Variants in RBFOX1 observed in about 807,000 individuals in gnomAD.
RBFOX1 encodes RNA binding fox-1 homolog 1.
In RBFOX1, 8 loss-of-function variants were observed where a neutral mutation model predicts 57.7. The ratio of observed to expected loss-of-function variants is 0.14; its 90% CI spans 0.08 to 0.25. RBFOX1 has a LOEUF of 0.25. Ranked by LOEUF, RBFOX1 falls within the 10% of genes least tolerant of loss-of-function variation. The pLI, the probability that RBFOX1 is intolerant of heterozygous loss-of-function variation, is 1.00. For missense variants in RBFOX1, 611 were observed against 548.5 expected (o/e 1.11, Z -1.14); for synonymous variants, 326 against 222.4 (o/e 1.47, Z -4.15).
intron 3 of RBFOX1, among the ~76,000 whole-genome samples, chr16:7,007,858 T>G (rs1241116954): frequency 3.9e-5 from 6 of 152,162 alleles, no homozygotes; most frequent in Admixed American, 1.3e-4. Flanking sequence ...ACCTCAGCAT[T>G]AGGAAGTATC....
intron 10 of RBFOX1, among the ~76,000 whole-genome samples, chr16:7,625,056 G>A (rs991394379): frequency 6.6e-6 from 1 of 152,134 alleles, no homozygotes; most frequent in Non-Finnish European, 1.5e-5. Flanking sequence ...GAGGCTTGAG[G>A]AGGCGGTGTC....
intron 11 of RBFOX1, among the ~76,000 whole-genome samples, chr16:7,640,223 T>C (rs1417714581): frequency 6.6e-6 from 1 of 152,204 alleles, no homozygotes; most frequent in Non-Finnish European, 1.5e-5. Flanking sequence ...TTTGTCCTTT[T>C]TAACCAATTC....
At chr16:6,822,433 GCTAA>G (rs1310070111) in intron 3 of RBFOX1, among the ~76,000 whole-genome samples, 1 of 152,182 alleles carries the variant, frequency 6.6e-6, no homozygotes, top group Non-Finnish European at 1.5e-5. Flanking sequence ...AACTTTCATT[GCTAA>G]CTTGTAACTT....
intron 2 of RBFOX1, among the ~76,000 whole-genome samples, chr16:6,578,598 C>CGTGTGTCTGTGTGTGT (rs2097482834): frequency 9.0e-6 from 1 of 110,666 alleles, no homozygotes; most frequent in Non-Finnish European, 2.1e-5. Context: ...GGTGTGTGTG[C>CGTGTGTCTGTGTGTGT]GTGTGTGTGT....
At chr16:6,789,451 A>T (rs1445328549) in intron 3 of RBFOX1, among the ~76,000 whole-genome samples, 1 of 152,142 alleles carries the variant, frequency 6.6e-6, no homozygotes, top group East Asian at 1.9e-4. Flanking sequence ...GGCGAGAGAA[A>T]CACTAATGGT....
intron 13 of RBFOX1, among the ~76,000 whole-genome samples, chr16:7,668,550 G>C (rs2070224501): frequency 6.6e-6 from 1 of 152,106 alleles, no homozygotes; most frequent in Admixed American, 6.5e-5. Flanking sequence ...ACAGTGGAGA[G>C]GTGCAGGCAC....
chr16:6,983,977 G>A (rs1482897958), intron 3 of RBFOX1, among the ~76,000 whole-genome samples: 2 of 152,130 alleles, frequency 1.3e-5, no homozygotes, highest in Admixed American at 6.6e-5. Flanking sequence ...GCCTGGAGTG[G>A]TGGCTGAACC....
chr16:6,997,070 A>G (rs1427979482), intron 3 of RBFOX1, among the ~76,000 whole-genome samples: 1 of 152,178 alleles, frequency 6.6e-6, no homozygotes. Flanking sequence ...CAGATGAAAA[A>G]TAATAAAAGC....
Position 6,907,280 on chromosome 16 carries a change from G to T in RBFOX1, c.-15-144777G>T, listed in dbSNP as rs543858370. 7.2e-5 allele frequency among the ~76,000 whole-genome samples: 11 copies of T among 152,274 alleles called. No individual in the cohort carries two copies. In the South Asian group the frequency reaches 2.1e-3, roughly 29 times the overall value. On this transcript the variant is annotated intron_variant, in intron 3 of 15. Coordinates refer to ENST00000550418, the MANE Select transcript of RBFOX1 (RefSeq NM_018723.4). The stretch of plus-strand genomic sequence containing the variant: ...AGCGTTTGTAGTGCTGACAGTGAGA[G>T]TCATCTTTACCGATGTGCCTCCTTC...
intron 3 of RBFOX1, among the ~76,000 whole-genome samples, chr16:5,661,920 G>T (rs903509810): frequency 6.6e-6 from 1 of 152,052 alleles, no homozygotes; most frequent in Non-Finnish European, 1.5e-5. Flanking sequence ...CGAGTCGCTG[G>T]GACTACAGGC....
chr16:5,573,240 G>C (rs1161753739), intron 2 of RBFOX1, among the ~76,000 whole-genome samples: 4 of 152,148 alleles, frequency 2.6e-5, no homozygotes, highest in Non-Finnish European at 4.4e-5. Context: ...AAAAGGGAGT[G>C]TCCACGTTTC....
chr16:7,024,729 T>C (rs2040375358), intron 3 of RBFOX1, among the ~76,000 whole-genome samples: 1 of 152,206 alleles, frequency 6.6e-6, no homozygotes, highest in Non-Finnish European at 1.5e-5. Context: ...CCTGCTCTTG[T>C]TGCTGGACTT....
chr16:7,395,718 G>A (rs867791399), intron 4 of RBFOX1, among the ~76,000 whole-genome samples: 1 of 152,182 alleles, frequency 6.6e-6, no homozygotes, highest in Non-Finnish European at 1.5e-5. Context: ...CTATGAATAT[G>A]TCCAAGGGAC....
intron 2 of RBFOX1, among the ~76,000 whole-genome samples, chr16:6,370,402 T>A (rs1325228760): frequency 2.1e-5 from 3 of 141,516 alleles, no homozygotes; most frequent in Non-Finnish European, 4.6e-5. Context: ...GAACACACCC[T>A]GGACTGCCCA....
At chr16:7,579,222 G>T (rs542564645) in intron 5 of RBFOX1, among the ~76,000 whole-genome samples, 8 of 152,288 alleles carry the variant, frequency 5.3e-5, no homozygotes, top group Non-Finnish European at 1.2e-4. Context: ...CAATCAGCTG[G>T]TTATTTGAAC....
At chr16:6,742,694 A>C (rs1278459738) in intron 3 of RBFOX1, among the ~76,000 whole-genome samples, 1 of 152,232 alleles carries the variant, frequency 6.6e-6, no homozygotes, top group Non-Finnish European at 1.5e-5. Context: ...ACCTGTGATG[A>C]ATCTCAAGGG....
chr16:7,073,292 T>C (rs958686826), intron 4 of RBFOX1, among the ~76,000 whole-genome samples: 8 of 152,196 alleles, frequency 5.3e-5, no homozygotes, highest in Non-Finnish European at 8.8e-5. Flanking sequence ...TTTGGCTCTT[T>C]TCAGAAAATG....
At chr16:7,549,567 T>C (rs1479763592) in intron 5 of RBFOX1, among the ~76,000 whole-genome samples, 1 of 152,080 alleles carries the variant, frequency 6.6e-6, no homozygotes, top group Non-Finnish European at 1.5e-5. Context: ...GCCTCAAAAG[T>C]AGGGAAGCTG....
At position 7,274,994 on chromosome 16, in the gene RBFOX1, G is replaced by A. The variant is rs368422583; in HGVS notation, c.27+222896G>A. Among the ~76,000 whole-genome samples the A allele has an allele frequency of 3.4e-4, 51 of 152,230 alleles. No individual in the cohort carries two copies. The East Asian group carries it at 3.7e-3, about 11-fold the overall frequency. ...TCACTGCACCTGCCCAAAAGCATTA[G>A]CTTCTAATTGACCTCATGATGTTCA... On this transcript the variant is annotated intron_variant, in intron 4 of 15. Coordinates refer to ENST00000550418, the MANE Select transcript of RBFOX1 (RefSeq NM_018723.4).
Sources: gnomAD v4.1 joint callset for allele counts (sites outside exome capture counted in the v4.1 genomes callset) on GRCh38, gnomAD v4.1.1 for gene constraint, MANE v1.5 for transcripts, NCBI Gene and HGNC (gene_info 2026-07-23, HGNC 2026-07-21) for gene names.